Variants in RBPMS observed in about 807,000 individuals in gnomAD.
The protein encoded by RBPMS is RNA binding protein, mRNA processing factor.
A neutral mutation model predicts 26.8 loss-of-function variants in RBPMS; 7 were observed. The observed-to-expected ratio is 0.26, with a 90% CI of 0.15 to 0.49. The LOEUF (loss-of-function observed/expected upper bound fraction) is 0.49, where lower values mean the gene tolerates loss of function less well. RBPMS is among the 20% of genes least tolerant of loss of function. The probability of loss-of-function intolerance (pLI) is 0.98; values close to 1 mark genes in which losing one functional copy is unlikely to be tolerated. For missense variants in RBPMS, 186 were observed against 250.0 expected, an observed-to-expected ratio of 0.74 and a Z score of 1.73; for synonymous variants, 96 against 93.3, an observed-to-expected ratio of 1.03 and a Z score of -0.17.
At chr8:30,556,754 G>A (rs2151078934) in intron 6 of RBPMS, 1 of 985,926 alleles carries the variant, frequency 1.0e-6, no homozygotes, top group East Asian at 1.1e-4. Context: ...TCTTTGCTTA[G>A]TGAGCAAGTG....
intron 1 of RBPMS, among the ~76,000 whole-genome samples, chr8:30,423,562 C>G (rs909749983): frequency 6.7e-6 from 1 of 149,060 alleles, no homozygotes; most frequent in African/African-American, 2.5e-5. Flanking sequence ...TCCATTTCTT[C>G]TTTCGTCTCT....
intron 1 of RBPMS, among the ~76,000 whole-genome samples, chr8:30,435,668 A>G (rs1220290747): frequency 1.1e-4 from 17 of 152,202 alleles, no homozygotes; most frequent in Non-Finnish European, 4.4e-5. Context: ...GCCAATGGGG[A>G]TGTATGCACA....
At chr8:30,519,595 T>C (rs1822814442) in intron 5 of RBPMS, among the ~76,000 whole-genome samples, 1 of 151,060 alleles carries the variant, frequency 6.6e-6, no homozygotes, top group South Asian at 2.1e-4. Context: ...GCCATTCTCC[T>C]GCCTCAGCCT....
At chr8:30,540,728 CA>C (rs1825300478) in intron 5 of RBPMS, among the ~76,000 whole-genome samples, 1 of 152,198 alleles carries the variant, frequency 6.6e-6, no homozygotes, top group African/African-American at 2.4e-5. Context: ...TGCACGCAGC[CA>C]AACTGTGTAT....
intron 1 of RBPMS, among the ~76,000 whole-genome samples, chr8:30,418,892 A>AG (rs1180575967): frequency 1.3e-5 from 2 of 152,000 alleles, no homozygotes; most frequent in Non-Finnish European, 2.9e-5. Flanking sequence ...CATGCACATG[A>AG]GTACCGCTCC....
chr8:30,470,555 A>T (rs1041110771), intron 1 of RBPMS, among the ~76,000 whole-genome samples: 3 of 152,174 alleles, frequency 2.0e-5, no homozygotes, highest in Non-Finnish European at 4.4e-5. Context: ...TCCGGATTTA[A>T]GTGACCTCTA....
chr8:30,496,160 C>G (rs1303575206), intron 4 of RBPMS, among the ~76,000 whole-genome samples: 1 of 129,502 alleles, frequency 7.7e-6, no homozygotes, highest in Non-Finnish European at 1.6e-5. Context: ...CCTTCAGATA[C>G]CCTTGCGCAT....
In RBPMS at chr8:30,571,816, T is replaced by C. The variant is rs1292470383; in HGVS notation, c.*1291T>C. ...CATGACAGCTCAACCTCTCCCCTTG[T>C]ACAGAAGCCATTTTTGTAAAACCAC... On this transcript the variant is annotated 3_prime_UTR_variant, in exon 9 of 9. Transcript: ENST00000397323. 1.3e-5 allele frequency: 2 copies of C among 152,266 alleles called. No individual in the cohort carries two copies. Among genetic ancestry groups the C allele is most frequent in the Non-Finnish European group, 1.5e-5 (1 of 68,054 alleles). 9.4% of individuals were successfully genotyped at this position (152,266 alleles called of 1,614,324 possible).
In RBPMS at chr8:30,570,748, T is replaced by G. The variant is rs1828217341; in HGVS notation, c.*223T>G. 1 of 152,666 alleles carries G rather than the reference T, an allele frequency of 6.6e-6. No homozygotes were observed. Among genetic ancestry groups the G allele is most frequent in the African/African-American group, 2.4e-5 (1 of 41,460 alleles). The allele number at this position is 152,666 out of a possible 1,614,324, so 9.5% of individuals were successfully genotyped here. A position where few individuals can be genotyped will look rare whatever the true frequency, so the allele number is the denominator to read the frequency against. On this transcript the variant is annotated 3_prime_UTR_variant, in exon 9 of 9. Transcript: ENST00000397323. ...ATAATTAATAAAAATGTTTTACTCT[T>G]TTACACTGTATAATTGTAAGAAATA...
intron 1 of RBPMS, among the ~76,000 whole-genome samples, chr8:30,452,691 A>G (rs892727856): frequency 6.6e-6 from 1 of 152,132 alleles, no homozygotes; most frequent in Non-Finnish European, 1.5e-5. Flanking sequence ...AATTCCTGCC[A>G]ATTGCTGAGT....
At chr8:30,459,630 C>T (rs1815662406) in intron 1 of RBPMS, among the ~76,000 whole-genome samples, 1 of 152,096 alleles carries the variant, frequency 6.6e-6, no homozygotes, top group African/African-American at 2.4e-5. Context: ...CCCTTGTACA[C>T]TTTCATTTCA....
intron 5 of RBPMS, among the ~76,000 whole-genome samples, chr8:30,527,096 A>G (rs1056511527): frequency 6.6e-6 from 1 of 152,070 alleles, no homozygotes; most frequent in South Asian, 2.1e-4. Flanking sequence ...TTCCAGCACC[A>G]TTTGCCCCTT....
chr8:30,454,572 T>G (rs1218236408), intron 1 of RBPMS, among the ~76,000 whole-genome samples: 1 of 152,242 alleles, frequency 6.6e-6, no homozygotes, highest in East Asian at 1.9e-4. Context: ...TCCTTATAAT[T>G]ACATAGTTTA....
In RBPMS at chr8:30,525,094, A is replaced by T. The variant is rs78433617; in HGVS notation, c.398-19400A>T. Among the ~76,000 whole-genome samples the T allele has an allele frequency of 4.5e-3, 687 of 152,298 alleles. 2 individuals are homozygous for T. The highest frequency in any genetic ancestry group is 0.016 in the African/African-American group (646 of 41,568). On this transcript the variant is annotated intron_variant, in intron 5 of 8. Coordinates refer to ENST00000397323, the MANE Select transcript of RBPMS (RefSeq NM_001008710.3). ...AAACTTAAGTTCTCCTAAAATAGCA[A>T]TTTAACTTGATTTCTGGTAAATAGT...
At chr8:30,432,747 G>C (rs1056979695) in intron 1 of RBPMS, among the ~76,000 whole-genome samples, 1 of 152,126 alleles carries the variant, frequency 6.6e-6, no homozygotes, top group Middle Eastern at 3.2e-3. Context: ...TAACTGTGCA[G>C]TAGTTTCGAT....
chr8:30,414,629 G>A lies in RBPMS; in HGVS notation c.66+29471G>A, dbSNP rs138999826. On this transcript the variant is annotated intron_variant, in intron 1 of 8. Coordinates refer to ENST00000397323, the MANE Select transcript of RBPMS (RefSeq NM_001008710.3). ...ACAAATTCAAAACACATGCCCTATGGATAGTACACTATCTGTGGCTCTTTA... is the reference window on the plus strand; with the variant it reads ...ACAAATTCAAAACACATGCCCTATGAATAGTACACTATCTGTGGCTCTTTA... Among the ~76,000 whole-genome samples, 336 of 152,258 alleles carry A rather than the reference G, an allele frequency of 2.2e-3. 2 individuals carry two copies. The highest frequency in any genetic ancestry group is 7.8e-3 in the African/African-American group (324 of 41,548).
At chr8:30,449,526 A>G (rs1163525679) in intron 1 of RBPMS, among the ~76,000 whole-genome samples, 1 of 151,976 alleles carries the variant, frequency 6.6e-6, no homozygotes, top group Non-Finnish European at 1.5e-5. Flanking sequence ...ACCCGCCACC[A>G]TGCCCAGCTA....
At chr8:30,522,863 A>G (rs528738385) in intron 5 of RBPMS, among the ~76,000 whole-genome samples, 4 of 152,306 alleles carry the variant, frequency 2.6e-5, no homozygotes, top group Non-Finnish European at 5.9e-5. Context: ...TTAACCATTT[A>G]ATTTGAGAAT....
At chr8:30,442,236 C>G (rs930199656) in intron 1 of RBPMS, among the ~76,000 whole-genome samples, 4 of 152,164 alleles carry the variant, frequency 2.6e-5, no homozygotes, top group Non-Finnish European at 5.9e-5. Context: ...TGGGCCTTTA[C>G]TGTGCTAGAT....
Sources: allele counts gnomAD v4.1 joint callset (sites outside exome capture counted in the v4.1 genomes callset), GRCh38; gene constraint gnomAD v4.1.1; transcripts MANE v1.5; gene names NCBI Gene and HGNC (gene_info 2026-07-23, HGNC 2026-07-21).